CDH23: variants seen among roughly 807,000 people sequenced by gnomAD.
CDH23 encodes cadherin-23.
CDH23 carries 189 observed loss-of-function variants against 317.1 expected under a neutral mutation model. That is an observed-to-expected ratio of 0.60 (90% CI 0.53 to 0.67). CDH23 has a LOEUF of 0.67. Among genes scored for constraint, CDH23 ranks in the 30% least tolerant of loss-of-function variants. CDH23 has a pLI of 0.00. For synonymous variants in CDH23, 1,839 were observed against 1,876.8 expected, an observed-to-expected ratio of 0.98 and a Z score of 0.52; for missense variants, 4,401 against 4,592.4, an observed-to-expected ratio of 0.96 and a Z score of 1.20.
At chr10:71,617,947 G>A (rs1003478786) in intron 11 of CDH23, among the ~76,000 whole-genome samples, 8 of 151,246 alleles carry the variant, frequency 5.3e-5, no homozygotes, top group African/African-American at 1.9e-4. Context: ...AGCTGAAATA[G>A]CACCATTGCA....
chr10:71,706,976 G>A lies in CDH23; in HGVS notation c.3033G>A (p.Glu1011=), dbSNP rs766437944. ...NVSVSEDVPR[E]FRVVWLNCTD... is the part of the protein sequence containing the mutation. ...CTGTGTCCGAGGACGTGCCACGCGA[G>A]TTCCGGGTGGTCTGGCTGAACTGCA... Residue 1011 remains glutamate, a synonymous_variant, in exon 26 of 70, where the codon GAG becomes GAA. Coordinates refer to ENST00000224721, the MANE Select transcript of CDH23 (RefSeq NM_022124.6). The A allele has an allele frequency of 6.2e-7, 1 of 1,607,472 alleles. No individual in the cohort carries two copies. The highest frequency in any genetic ancestry group is 1.1e-5 in the South Asian group (1 of 89,530).
chr10:71,511,150 G>C lies in CDH23; in HGVS notation c.367G>C (p.Gly123Arg), dbSNP rs727504513. The C allele has an allele frequency of 8.3e-5, 134 of 1,613,390 alleles. No individual in the cohort carries two copies. The highest frequency in any genetic ancestry group is 1.1e-4 in the Non-Finnish European group (127 of 1,179,558). Residue 123 changes from glycine (G) to arginine (R), a missense_variant, in exon 6 of 70, where the codon GGG (glycine) becomes CGG (arginine). By Grantham distance (125) the Gly-to-Arg change is moderately radical (BLOSUM62 -2). Around this residue, in one of 3 missense-constraint regions of CDH23, gnomAD observed 3,068 missense variants for 3,203.3 expected, o/e 0.96. Coordinates refer to ENST00000224721, the MANE Select transcript of CDH23 (RefSeq NM_022124.6). ...VITRKVNIQV[G>R]DVNDNAPTFH... is the part of the protein sequence containing the mutation. ...CACACGGAAGGTGAACATCCAGGTT[G>C]GGGATGTGAATGACAACGCGCCCAC... is the stretch of plus-strand genomic sequence containing the variant.
intron 21 of CDH23, among the ~76,000 whole-genome samples, chr10:71,695,186 A>G (rs1359526067): frequency 2.6e-5 from 4 of 152,196 alleles, no homozygotes; most frequent in Admixed American, 6.5e-5. Flanking sequence ...GGCTTATCAC[A>G]TCCATTCCAC....
At chr10:71,511,053 T>C in intron 5 of CDH23, 52 bp downstream of exon 5, 1 of 1,610,452 alleles carries the variant, frequency 6.2e-7, no homozygotes, top group South Asian at 1.1e-5. Flanking sequence ...ACAGGATTTC[T>C]GGACCCCTAG....
intron 7 of CDH23, among the ~76,000 whole-genome samples, chr10:71,569,511 A>G (rs1589218486): frequency 6.6e-6 from 1 of 152,254 alleles, no homozygotes; most frequent in Admixed American, 6.5e-5. Flanking sequence ...AGAAAAGGAC[A>G]TCAGATTCCC....
intron 35 of CDH23, 61 bp downstream of exon 35, chr10:71,738,708 C>A: frequency 6.4e-7 from 1 of 1,573,428 alleles, no homozygotes; most frequent in Non-Finnish European, 8.6e-7. Flanking sequence ...ACAGCTCTCA[C>A]AGCTGGAGGG....
intron 14 of CDH23, among the ~76,000 whole-genome samples, chr10:71,672,132 C>G (rs1864174614): frequency 6.6e-6 from 1 of 152,012 alleles, no homozygotes; most frequent in East Asian, 1.9e-4. Flanking sequence ...GGGAGGAGCC[C>G]TAACTTTGCC....
chr10:71,522,569 A>G (rs1047396116), intron 6 of CDH23, among the ~76,000 whole-genome samples: 4 of 152,206 alleles, frequency 2.6e-5, no homozygotes, highest in African/African-American at 7.2e-5. Flanking sequence ...GTCTCTGATC[A>G]AATGCATGTG....
At chr10:71,779,470 C>T in intron 41 of CDH23, 23 bp downstream of exon 41, 1 of 1,579,146 alleles carries the variant, frequency 6.3e-7, no homozygotes, top group Non-Finnish European at 8.6e-7. Context: ...TGGGGCATGC[C>T]ACCCACAGGG....
intron 47 of CDH23, among the ~76,000 whole-genome samples, chr10:71,791,702 A>C (rs1841256245): frequency 6.6e-6 from 1 of 151,296 alleles, no homozygotes. Context: ...CAGCCTCCCG[A>C]GTAGCTGGGA....
intron 6 of CDH23, among the ~76,000 whole-genome samples, chr10:71,518,734 G>T (rs1479282993): frequency 6.6e-6 from 1 of 152,208 alleles, no homozygotes; most frequent in Non-Finnish European, 1.5e-5. Context: ...TGCCTGCAGG[G>T]AAGATTCAAC....
intron 6 of CDH23, among the ~76,000 whole-genome samples, chr10:71,538,515 C>T (rs1488246994): frequency 6.6e-6 from 1 of 152,132 alleles, no homozygotes; most frequent in African/African-American, 2.4e-5. Flanking sequence ...AGCCAAAAGC[C>T]ATTTCTCTTC....
chr10:71,529,637 C>T (rs1175424787), intron 6 of CDH23, among the ~76,000 whole-genome samples: 1 of 152,180 alleles, frequency 6.6e-6, no homozygotes, highest in Non-Finnish European at 1.5e-5. Flanking sequence ...ACACACCCTT[C>T]CAATCTCAGA....
chr10:71,705,028 A>C lies in CDH23; in HGVS notation c.2851A>C (p.Thr951Pro). 5 of 1,612,556 alleles carry C rather than the reference A, an allele frequency of 3.1e-6. No individual in the cohort carries two copies. The highest frequency in any genetic ancestry group is 4.2e-6 in the Non-Finnish European group (5 of 1,179,808). Residue 951 changes from threonine (T) to proline (P), a missense_variant, in exon 25 of 70, where the codon ACC (threonine) becomes CCC (proline). Transcript: ENST00000224721. ...NSSSGVVVTT[T>P]ELDRERIAEY... Reference sequence around the variant, plus strand: ...CAGCAGCGGCGTGGTGGTCACCACCACCGAGCTGGACCGCGAGCGCATCGC... The same window carrying C: ...CAGCAGCGGCGTGGTGGTCACCACCCCCGAGCTGGACCGCGAGCGCATCGC...
intron 9 of CDH23, among the ~76,000 whole-genome samples, chr10:71,592,524 C>T (rs1053438517): frequency 6.6e-6 from 1 of 152,148 alleles, no homozygotes; most frequent in Non-Finnish European, 1.5e-5. Flanking sequence ...TGGCTGCCAG[C>T]ATCACTTGGC....
chr10:71,503,786 C>G (rs2132175837), intron 3 of CDH23, among the ~76,000 whole-genome samples: 1 of 152,314 alleles, frequency 6.6e-6, no homozygotes, highest in African/African-American at 2.4e-5. Flanking sequence ...AACGTGCTAA[C>G]TCGCCACCCG....
intron 14 of CDH23, among the ~76,000 whole-genome samples, chr10:71,664,854 C>G (rs998725315): frequency 1.3e-4 from 20 of 151,666 alleles, no homozygotes; most frequent in Non-Finnish European, 2.5e-4. Context: ...TTCTCCTCCT[C>G]CCTTGATCAC....
chr10:71,761,455 C>T lies in CDH23; in HGVS notation c.4846-16225C>T, dbSNP rs115768600. 3,650 of 1,006,040 alleles carry T rather than the reference C, an allele frequency of 3.6e-3. 106 individuals carry two copies. The African/African-American group carries it at 0.053, about 14-fold the overall frequency. 62.3% of individuals were successfully genotyped at this position (1,006,040 alleles called of 1,614,324 possible). On this transcript the variant is annotated intron_variant, in intron 38 of 69. Coordinates refer to ENST00000224721, the MANE Select transcript of CDH23 (RefSeq NM_022124.6). ...CCACACTCCACACACCCTTGACCAC[C>T]CCATCTCACCCACACACTCCCTGGA... is the stretch of plus-strand genomic sequence containing the variant.
At chr10:71,758,108 T>A (rs1288149266) in intron 38 of CDH23, among the ~76,000 whole-genome samples, 1 of 151,950 alleles carries the variant, frequency 6.6e-6, no homozygotes, top group African/African-American at 2.4e-5. Context: ...CCAAGGCGGG[T>A]AGATCACTTG....
Sources: allele counts gnomAD v4.1 joint callset (sites outside exome capture counted in the v4.1 genomes callset), GRCh38; gene constraint gnomAD v4.1.1; regional missense constraint gnomAD v4.1.1; transcripts MANE v1.5; gene names NCBI Gene and HGNC (gene_info 2026-07-23, HGNC 2026-07-21).